The following PHF8 variants were observed in gnomAD, a reference collection of about 807,000 sequenced individuals.
PHF8 encodes histone lysine demethylase PHF8.
PHF8 carries 9 observed loss-of-function variants against 74.4 expected under a neutral mutation model. That is an observed-to-expected ratio of 0.12 (90% CI 0.07 to 0.21). PHF8 has a LOEUF of 0.21. Among genes scored for constraint, PHF8 ranks in the 10% least tolerant of loss-of-function variants. The pLI is 1.00. For synonymous variants in PHF8, 311 were observed against 316.6 expected, an observed-to-expected ratio of 0.98 and a Z score of 0.19; for missense variants, 478 against 816.6, an observed-to-expected ratio of 0.59 and a Z score of 5.05.
At chrX:53,980,345 A>C (rs1340571528) in intron 18 of PHF8, among the ~76,000 whole-genome samples, 2 of 111,139 alleles carry the variant, frequency 1.8e-5, no homozygotes, top group Non-Finnish European at 1.9e-5. Flanking sequence ...TGGTGGTCTT[A>C]TAAGAGGTGG....
At chrX:54,024,073 G>C (rs1557110783) in intron 2 of PHF8, among the ~76,000 whole-genome samples, 1 of 111,046 alleles carries the variant, frequency 9.0e-6, no homozygotes, top group African/African-American at 3.3e-5. Context: ...ATAAACTAGG[G>C]ATATCACCAT....
At chrX:53,977,937 C>T (rs1290809767) in intron 18 of PHF8, among the ~76,000 whole-genome samples, 35 of 103,645 alleles carry the variant, frequency 3.4e-4, no homozygotes, top group Non-Finnish European at 5.7e-4. Context: ...TCAGCCACTG[C>T]GCCCGGCCTT....
chrX:53,964,618 C>A (rs782810373), intron 18 of PHF8, among the ~76,000 whole-genome samples: 2 of 111,447 alleles, frequency 1.8e-5, no homozygotes, highest in East Asian at 2.8e-4. Context: ...GTAATCCCTG[C>A]ACTCTGGGAG....
At position 53,952,665 on chromosome X, in the gene PHF8, T is replaced by C. The variant is rs183975655; in HGVS notation, c.2540-8422A>G. ...TTGGGAGGCTGAGGCGGGCGGATCA[T>C]GAGGTCAGGAGATGGACACCATCCT... On this transcript the variant is annotated intron_variant, in intron 19 of 21. Transcript: ENST00000338154. Among the ~76,000 whole-genome samples the C allele has an allele frequency of 5.0e-3, 521 of 103,527 alleles. 4 individuals are homozygous for C. The highest frequency in any genetic ancestry group is 0.018 in the African/African-American group (502 of 28,335). The allele number at this position is 103,527 out of a possible 115,157, so 89.9% of individuals were successfully genotyped here.
intron 2 of PHF8, among the ~76,000 whole-genome samples, chrX:54,041,388 T>TAAAAAAAAAAAAAAA (rs370388675): frequency 2.3e-5 from 1 of 43,475 alleles, no homozygotes; most frequent in Non-Finnish European, 4.7e-5. Context: ...TTGTCTCAAA[T>TAAAAAAAAAAAAAAA]AAAAAAAAAA....
chrX:53,937,307 C>T lies in PHF8; in HGVS notation c.*1851G>A, dbSNP rs879975195. The T allele has an allele frequency of 3.6e-5, 4 of 111,527 alleles. No individual in the cohort carries two copies. The highest frequency in any genetic ancestry group is 1.9e-4 in the Admixed American group (2 of 10,431). The allele number at this position is 111,527 out of a possible 1,213,427, so 9.2% of individuals were successfully genotyped here. Reference sequence around the variant, plus strand: ...GGCCGGAATCGGGGGGATTTGCTAGCAATTAGCTGCCTTTGAAAGATCAAG... The same window carrying T: ...GGCCGGAATCGGGGGGATTTGCTAGTAATTAGCTGCCTTTGAAAGATCAAG... On this transcript the variant is annotated 3_prime_UTR_variant, in exon 22 of 22. Coordinates refer to ENST00000338154, the MANE Select transcript of PHF8 (RefSeq NM_015107.3).
chrX:54,029,591 C>T (rs1338728864), intron 2 of PHF8, among the ~76,000 whole-genome samples: 1 of 112,217 alleles, frequency 8.9e-6, no homozygotes, highest in East Asian at 2.8e-4. Flanking sequence ...TGTCACGCTC[C>T]CTTGGGTATA....
chrX:54,039,151 AAAG>A (rs2066511620), intron 2 of PHF8, among the ~76,000 whole-genome samples: 1 of 109,798 alleles, frequency 9.1e-6, no homozygotes, highest in Non-Finnish European at 1.9e-5. Flanking sequence ...AAAAAAAAAA[AAAG>A]AAGTCACTAG....
At chrX:54,004,878 C>T (rs1191531027) in intron 8 of PHF8, among the ~76,000 whole-genome samples, 3 of 107,905 alleles carry the variant, frequency 2.8e-5, no homozygotes, top group Non-Finnish European at 5.7e-5. Context: ...GAGTTGAGAT[C>T]ACGCCACTGC....
At chrX:54,012,704 G>C (rs2066001069) in intron 7 of PHF8, among the ~76,000 whole-genome samples, 1 of 111,156 alleles carries the variant, frequency 9.0e-6, no homozygotes, top group South Asian at 3.8e-4. Context: ...TGAGGGCCAA[G>C]GTGGGAAGAC....
chrX:54,018,614 C>T lies in PHF8; in HGVS notation c.294-793G>A, dbSNP rs1256816141. Among the ~76,000 whole-genome samples, 5 of 109,010 alleles carry T rather than the reference C, an allele frequency of 4.6e-5. No homozygotes were observed. In the East Asian group the frequency reaches 1.4e-3, roughly 31 times the overall value. The allele number at this position is 109,010 out of a possible 115,157, so 94.7% of individuals were successfully genotyped here. A position where few individuals can be genotyped will look rare whatever the true frequency, so the allele number is the denominator to read the frequency against. ...AATATATTAAGCTCAAGCTCAATGCCTATCTCATTCTTTTTTTTTTTTTGA... is the reference window on the plus strand; with the variant it reads ...AATATATTAAGCTCAAGCTCAATGCTTATCTCATTCTTTTTTTTTTTTTGA... On this transcript the variant is annotated intron_variant, in intron 4 of 21. Transcript: ENST00000338154.
intron 19 of PHF8, among the ~76,000 whole-genome samples, chrX:53,956,390 T>C (rs2065013687): frequency 8.9e-6 from 1 of 111,808 alleles, no homozygotes. Context: ...TCAGTACACA[T>C]GGCAAAGAAA....
chrX:53,958,462 T>C (rs1458866130), intron 19 of PHF8, among the ~76,000 whole-genome samples: 1 of 107,468 alleles, frequency 9.3e-6, no homozygotes, highest in Non-Finnish European at 1.9e-5. Context: ...CTTGTATATG[T>C]GCAAACTGTC....
chrX:53,961,856 G>A (rs186499679), intron 19 of PHF8, among the ~76,000 whole-genome samples: 47 of 111,376 alleles, frequency 4.2e-4, no homozygotes, highest in Non-Finnish European at 7.5e-4. Context: ...ATGTATCCTC[G>A]TATGCATGAT....
Position 53,993,616 on chromosome X carries a change from A to G in PHF8, c.1611T>C (p.Ser537=). The change falls in exon 13 of 22, where the codon TCT becomes TCC. Residue 537 remains serine (S), a synonymous_variant. Transcript: ENST00000338154. ...TYSHQALKTG[S]FQKAKFNITG... is the part of the protein sequence containing the mutation. ...CAGCACCCACCTTTGCTTTCTGGAA[A>G]GAGCCTGTCTTCAGTGCCTGATGAC... The G allele has an allele frequency of 8.3e-7, 1 of 1,210,709 alleles. No homozygotes were observed. The highest frequency in any genetic ancestry group is 1.1e-6 in the Non-Finnish European group (1 of 894,706).
chrX:53,962,350 G>A (rs1603304916), intron 19 of PHF8, among the ~76,000 whole-genome samples: 1 of 111,991 alleles, frequency 8.9e-6, no homozygotes, highest in South Asian at 3.7e-4. Flanking sequence ...CCAAGGAGAC[G>A]AAGAAAATTC....
chrX:53,949,079 A>T (rs2064877900), intron 19 of PHF8, among the ~76,000 whole-genome samples: 1 of 108,435 alleles, frequency 9.2e-6, no homozygotes. Flanking sequence ...TAAAATTGTC[A>T]TAATACACTT....
At chrX:53,953,503 T>C (rs1557087656) in intron 19 of PHF8, among the ~76,000 whole-genome samples, 2 of 108,278 alleles carry the variant, frequency 1.8e-5, no homozygotes, top group African/African-American at 6.7e-5. Flanking sequence ...TAGCTAGGCG[T>C]GATGGCAGGC....
intron 20 of PHF8, chrX:53,942,665 G>C (rs1569523686): frequency 1.4e-6 from 1 of 718,497 alleles, no homozygotes. Flanking sequence ...ATTTATGATT[G>C]TAAGTACCAC....
Sources: gnomAD v4.1 joint callset for allele counts (sites outside exome capture counted in the v4.1 genomes callset) on GRCh38, gnomAD v4.1.1 for gene constraint, MANE v1.5 for transcripts, NCBI Gene and HGNC (gene_info 2026-07-23, HGNC 2026-07-21) for gene names.